Variants in BICC1 observed in about 807,000 individuals in gnomAD.
BICC1 encodes the protein BicC family RNA binding protein 1.
A neutral mutation model predicts 111.0 loss-of-function variants in BICC1; 43 were observed. The observed-to-expected ratio is 0.39, with a 90% CI of 0.30 to 0.50. BICC1 has a LOEUF of 0.50. Among genes scored for constraint, BICC1 ranks in the 20% least tolerant of loss-of-function variants. BICC1 has a pLI of 0.88. For missense variants in BICC1, 1,091 were observed against 1,203.2 expected (o/e 0.91, Z 1.38); for synonymous variants, 467 against 434.4 (o/e 1.07, Z -0.93).
At chr10:58,823,204 A>C in intron 20 of BICC1, 2 of 984,784 alleles carry the variant, frequency 2.0e-6, no homozygotes, top group Non-Finnish European at 2.4e-6. Context: ...TAGATCTAAC[A>C]TTTCCCGACC....
chr10:58,639,607 G>A (rs1175408889), intron 2 of BICC1, among the ~76,000 whole-genome samples: 2 of 143,888 alleles, frequency 1.4e-5, no homozygotes, highest in South Asian at 2.2e-4. Flanking sequence ...AGTAGCGATG[G>A]GGTTTCACCA....
intron 1 of BICC1, among the ~76,000 whole-genome samples, chr10:58,528,183 A>G (rs1487015770): frequency 6.6e-6 from 1 of 151,858 alleles, no homozygotes; most frequent in Non-Finnish European, 1.5e-5. Context: ...CTTTAAAGCA[A>G]AGTCACGTGC....
chr10:58,798,974 AATG>A, intron 11 of BICC1, 79 bp from the exon 12 acceptor site: 6 of 1,113,286 alleles, frequency 5.4e-6, no homozygotes, highest in Non-Finnish European at 7.5e-6. Context: ...CAGCAACAAA[AATG>A]ATATTTTTAT....
chr10:58,561,883 A>G (rs559243723), intron 1 of BICC1, among the ~76,000 whole-genome samples: 45 of 152,130 alleles, frequency 3.0e-4, no homozygotes, highest in African/African-American at 9.6e-4. Flanking sequence ...TCTGAAGAAT[A>G]TTTTTGCTGG....
At chr10:58,652,595 C>T (rs962630488) in intron 2 of BICC1, among the ~76,000 whole-genome samples, 4 of 152,116 alleles carry the variant, frequency 2.6e-5, no homozygotes, top group Admixed American at 6.6e-5. Context: ...TGAAATTATA[C>T]ATCATTATCC....
At chr10:58,700,114 G>A (rs1840186059) in intron 2 of BICC1, among the ~76,000 whole-genome samples, 1 of 152,226 alleles carries the variant, frequency 6.6e-6, no homozygotes, top group Admixed American at 6.5e-5. Flanking sequence ...GCAGAAACAG[G>A]TTGTAAATAA....
At chr10:58,677,951 A>T (rs138538146) in intron 2 of BICC1, among the ~76,000 whole-genome samples, 379 of 152,304 alleles carry the variant, frequency 2.5e-3, no homozygotes, top group Non-Finnish European at 4.1e-3. Flanking sequence ...TAAGCTTCAT[A>T]AGTGAGGGAG....
intron 2 of BICC1, among the ~76,000 whole-genome samples, chr10:58,649,086 G>C (rs1334209748): frequency 6.6e-6 from 1 of 152,194 alleles, no homozygotes; most frequent in Non-Finnish European, 1.5e-5. Context: ...AGAGAAGAAA[G>C]AAGTACAAAG....
At chr10:58,579,984 A>G (rs1449760785) in intron 1 of BICC1, among the ~76,000 whole-genome samples, 1 of 138,048 alleles carries the variant, frequency 7.2e-6, no homozygotes, top group African/African-American at 2.6e-5. Context: ...TTTTTTTTTT[A>G]TTGTGTTTAA....
chr10:58,821,321 G>T lies in BICC1; in HGVS notation c.2794+853G>T, dbSNP rs76220952. ...GCAGAAGCCAAGTGTCATGTGCTGC[G>T]GAAAAATGAATGCTTTTTCAGAACA... On this transcript the variant is annotated intron_variant, in intron 20 of 20. Transcript: ENST00000373886. Among the ~76,000 whole-genome samples the T allele has an allele frequency of 1.6e-4, 25 of 152,198 alleles. 1 individual carries two copies. In the East Asian group the frequency reaches 4.4e-3, roughly 27 times the overall value.
chr10:58,596,532 T>C (rs1233231382), intron 1 of BICC1, among the ~76,000 whole-genome samples: 1 of 152,150 alleles, frequency 6.6e-6, no homozygotes, highest in African/African-American at 2.4e-5. Context: ...ACCACTCCTA[T>C]TCAACATAGT....
chr10:58,596,018 T>A (rs1218333885), intron 1 of BICC1, among the ~76,000 whole-genome samples: 1 of 152,168 alleles, frequency 6.6e-6, no homozygotes, highest in African/African-American at 2.4e-5. Context: ...TAAAAAATGA[T>A]ATAGGGGATA....
intron 1 of BICC1, among the ~76,000 whole-genome samples, chr10:58,524,159 C>T (rs909583753): frequency 6.6e-6 from 1 of 152,114 alleles, no homozygotes; most frequent in Non-Finnish European, 1.5e-5. Flanking sequence ...CCATCCCCAT[C>T]AAGCTACCAA....
At chr10:58,545,667 G>A (rs572109208) in intron 1 of BICC1, among the ~76,000 whole-genome samples, 13 of 152,234 alleles carry the variant, frequency 8.5e-5, no homozygotes, top group South Asian at 4.1e-4. Context: ...TTGCCCCAAC[G>A]TGTAAGTGCC....
intron 3 of BICC1, among the ~76,000 whole-genome samples, chr10:58,704,080 C>G (rs1375550006): frequency 1.3e-5 from 2 of 152,136 alleles, no homozygotes; most frequent in African/African-American, 4.8e-5. Flanking sequence ...ACACTTAACC[C>G]ATTCAAAATG....
intron 2 of BICC1, among the ~76,000 whole-genome samples, chr10:58,671,518 T>C (rs1839184869): frequency 6.6e-6 from 1 of 152,168 alleles, no homozygotes; most frequent in Non-Finnish European, 1.5e-5. Flanking sequence ...AACTTAGTTA[T>C]GTGCCTTGGG....
chr10:58,519,305 C>T (rs1842330455), intron 1 of BICC1, among the ~76,000 whole-genome samples: 1 of 152,202 alleles, frequency 6.6e-6, no homozygotes, highest in Non-Finnish European at 1.5e-5. Context: ...ATTCTCTCTC[C>T]TGGAACTTCT....
intron 1 of BICC1, among the ~76,000 whole-genome samples, chr10:58,613,349 C>T (rs1173840225): frequency 6.6e-6 from 1 of 152,088 alleles, no homozygotes; most frequent in Admixed American, 6.6e-5. Flanking sequence ...GCTCATGTCA[C>T]TGTGGAATAA....
chr10:58,776,868 A>G (rs1842761632), intron 3 of BICC1, among the ~76,000 whole-genome samples: 1 of 152,100 alleles, frequency 6.6e-6, no homozygotes, highest in South Asian at 2.1e-4. Flanking sequence ...TCAGATGCCA[A>G]GAGGCTGCGG....
Sources: allele counts gnomAD v4.1 joint callset (sites outside exome capture counted in the v4.1 genomes callset), GRCh38; gene constraint gnomAD v4.1.1; transcripts MANE v1.5; gene names NCBI Gene and HGNC (gene_info 2026-07-23, HGNC 2026-07-21).